The following MTFMT variants were observed in gnomAD, a reference collection of about 807,000 sequenced individuals.
MTFMT encodes methionyl-tRNA formyltransferase, mitochondrial.
MTFMT carries 47 observed loss-of-function variants against 51.8 expected under a neutral mutation model. That is an observed-to-expected ratio of 0.91 (90% CI 0.72 to 1.16). The LOEUF is 1.16. MTFMT is among the 50% of genes most tolerant of loss of function. The probability of loss-of-function intolerance (pLI) is 0.00; values close to 1 mark genes in which losing one functional copy is unlikely to be tolerated. For synonymous variants in MTFMT, 196 were observed against 176.7 expected, an observed-to-expected ratio of 1.11 and a Z score of -0.87; for missense variants, 512 against 482.3, an observed-to-expected ratio of 1.06 and a Z score of -0.58.
At chr15:65,009,900 C>A (rs1399322392) in intron 6 of MTFMT, among the ~76,000 whole-genome samples, 1 of 152,172 alleles carries the variant, frequency 6.6e-6, no homozygotes, top group Non-Finnish European at 1.5e-5. Context: ...GCGATTCACT[C>A]TTCTTGGCCT....
chr15:65,023,562 T>C (rs2140487613), intron 3 of MTFMT, 110 bp downstream of exon 3: 1 of 993,308 alleles, frequency 1.0e-6, no homozygotes. Flanking sequence ...AGAAGCACTC[T>C]GGAGTCACAG....
Position 65,026,967 on chromosome 15 carries a change from G to A in MTFMT, c.283C>T (p.Pro95Ser), listed in dbSNP as rs202192281. ...GACTGCACAGCATATTGCTTCACTG[G>A]CAGTCCTTTTGGTGATGGGGAAGGC... ...TMPSPSPKGL[P>S]VKQYAVQSQL... Residue 95 changes from proline to serine, a missense_variant, in exon 2 of 9, where the codon CCA (proline) becomes TCA (serine). Transcript: ENST00000220058. The A allele has an allele frequency of 6.2e-7, 1 of 1,613,974 alleles. No homozygotes were observed. Among genetic ancestry groups the A allele is most frequent in the African/African-American group, 1.3e-5 (1 of 75,032 alleles).
At position 65,027,027 on chromosome 15, in the gene MTFMT, CTTCT is replaced by C. The variant is rs777725264; in HGVS notation, c.219_222del (p.Glu74LysfsTer3). Reference sequence around the variant, plus strand: ...ACCTCCAGTTTGTCGATTAACTCTTCTTCTTTGTTTTCCCTAAATTAGATAGGAA... The same window carrying C: ...ACCTCCAGTTTGTCGATTAACTCTTCTTGTTTTCCCTAAATTAGATAGGAA... On this transcript the variant is annotated frameshift_variant, in exon 2 of 9. Transcript: ENST00000220058. LOFTEE classifies it high-confidence loss of function. The C allele has an allele frequency of 5.0e-6, 8 of 1,613,336 alleles. No individual in the cohort carries two copies. Among genetic ancestry groups the C allele is most frequent in the South Asian group, 1.1e-5 (1 of 91,004 alleles).
At chr15:65,017,311 A>C (rs2086331939) in intron 5 of MTFMT, among the ~76,000 whole-genome samples, 1 of 152,188 alleles carries the variant, frequency 6.6e-6, no homozygotes, top group Non-Finnish European at 1.5e-5. Context: ...TAAATATATG[A>C]AAAGATCTTC....
At chr15:65,022,873 A>AT (rs71447832) in intron 3 of MTFMT, among the ~76,000 whole-genome samples, 52,443 of 151,468 alleles carry the variant, frequency 0.35, 10,521 homozygotes, top group South Asian at 0.5. Flanking sequence ...CACCTGGCTA[A>AT]TTTTTTTATT....
At chr15:65,027,577 T>C (rs894060094) in intron 1 of MTFMT, among the ~76,000 whole-genome samples, 2 of 152,240 alleles carry the variant, frequency 1.3e-5, no homozygotes, top group Non-Finnish European at 2.9e-5. Context: ...GTTTGAACAG[T>C]ATCATTCTAG....
intron 5 of MTFMT, among the ~76,000 whole-genome samples, 164 bp from the exon 6 acceptor site, chr15:65,016,691 T>A (rs1215034927): frequency 6.6e-6 from 1 of 151,906 alleles, no homozygotes; most frequent in Non-Finnish European, 1.5e-5. Flanking sequence ...AAATAAATAA[T>A]CATATAAATA....
At chr15:65,016,211 T>G in intron 6 of MTFMT, 1 of 312,770 alleles carries the variant, frequency 3.2e-6, no homozygotes, top group Non-Finnish European at 5.9e-6. Context: ...GCAATATACA[T>G]ATATTTAAAA....
chr15:65,012,817 G>A (rs897071204), intron 6 of MTFMT, among the ~76,000 whole-genome samples: 3 of 152,116 alleles, frequency 2.0e-5, no homozygotes, highest in African/African-American at 2.4e-5. Context: ...AATTTTGTTA[G>A]TTTTGGCTAT....
intron 6 of MTFMT, among the ~76,000 whole-genome samples, chr15:65,007,371 A>G (rs2086226948): frequency 6.6e-6 from 1 of 152,238 alleles, no homozygotes; most frequent in African/African-American, 2.4e-5. Context: ...ACCATAAAGC[A>G]TTGATGTTTC....
At chr15:65,024,029 G>A (rs182760351) in intron 2 of MTFMT, among the ~76,000 whole-genome samples, 5 of 152,302 alleles carry the variant, frequency 3.3e-5, no homozygotes, top group African/African-American at 9.6e-5. Context: ...ACTATTTGCT[G>A]TTCTAAAGAT....
intron 1 of MTFMT, among the ~76,000 whole-genome samples, chr15:65,029,009 C>T (rs1034066247): frequency 2.0e-5 from 3 of 152,102 alleles, no homozygotes; most frequent in Non-Finnish European, 2.9e-5. Context: ...TGGTTTTAGT[C>T]CGAACCACCT....
intron 6 of MTFMT, among the ~76,000 whole-genome samples, chr15:65,006,463 G>C (rs188091658): frequency 5.4e-5 from 8 of 148,918 alleles, no homozygotes; most frequent in African/African-American, 2.0e-4. Context: ...TGCAAGCTCC[G>C]CCTCCCGGGT....
Position 65,027,047 on chromosome 15 carries a change from T to G in MTFMT, c.210-7A>C. ...CTCTTCTTCTTTGTTTTCCCTAAATTAGATAGGAAGAAAAATGTGACAGTG... is the reference window on the plus strand; with the variant it reads ...CTCTTCTTCTTTGTTTTCCCTAAATGAGATAGGAAGAAAAATGTGACAGTG... On this transcript the variant is annotated splice_polypyrimidine_tract_variant and splice_region_variant and intron_variant, in intron 1 of 8. Coordinates refer to ENST00000220058, the MANE Select transcript of MTFMT (RefSeq NM_139242.4). 3.7e-6 allele frequency: 6 copies of G among 1,606,682 alleles called. No individual in the cohort carries two copies. The highest frequency in any genetic ancestry group is 4.3e-6 in the Non-Finnish European group (5 of 1,175,054).
chr15:65,006,501 C>A (rs916764748), intron 6 of MTFMT, among the ~76,000 whole-genome samples: 1 of 151,932 alleles, frequency 6.6e-6, no homozygotes, highest in African/African-American at 2.4e-5. Flanking sequence ...TTCAGCCTCC[C>A]GAGTAGCTGG....
At position 65,025,152 on chromosome 15, in the gene MTFMT, T is replaced by C. The variant is rs188085326; in HGVS notation, c.420-1358A>G. On this transcript the variant is annotated intron_variant, in intron 2 of 8. Transcript: ENST00000220058. ...GCTCATGCCTGTAATCCCAAAACTT[T>C]GGGAGGCCAAGGCAGGAAGATCACA... Among the ~76,000 whole-genome samples the C allele has an allele frequency of 2.5e-4, 38 of 149,906 alleles. No homozygotes were observed. In the East Asian group the frequency reaches 6.0e-3, roughly 23 times the overall value.
At chr15:65,028,238 G>A (rs1177787936) in intron 1 of MTFMT, among the ~76,000 whole-genome samples, 2 of 152,104 alleles carry the variant, frequency 1.3e-5, no homozygotes, top group African/African-American at 4.8e-5. Context: ...TGGGCAACAT[G>A]GTGAAAACCC....
intron 1 of MTFMT, 132 bp from the exon 2 acceptor site, chr15:65,027,172 TGA>T (rs2086432756): frequency 6.0e-6 from 4 of 667,684 alleles, no homozygotes; most frequent in Non-Finnish European, 1.0e-5. Context: ...AAAACTAGTG[TGA>T]GAGACTGAGT....
Position 65,003,096 on chromosome 15 carries a change from T to C in MTFMT, c.1136A>G (p.Lys379Arg), listed in dbSNP as rs755997866. Reference sequence around the variant, plus strand: ...GCATTGTTGCATAGCAACAGTTTTTTTCTGCTTCTTCTTTGTTGGAAGTCT... The same window carrying C: ...GCATTGTTGCATAGCAACAGTTTTTCTCTGCTTCTTCTTTGTTGGAAGTCT... ...TLRLPTKKKQ[K>R]KTVAMQQCIE is the part of the protein sequence containing the mutation. Residue 379 changes from lysine (K) to arginine (R), a missense_variant, in exon 9 of 9, where the codon AAA (lysine) becomes AGA (arginine). Transcript: ENST00000220058. 2 of 1,609,418 alleles carry C rather than the reference T, an allele frequency of 1.2e-6. No individual in the cohort carries two copies. Among genetic ancestry groups the C allele is most frequent in the Non-Finnish European group, 1.7e-6 (2 of 1,177,460 alleles).
Sources: gnomAD v4.1 joint callset for allele counts (sites outside exome capture counted in the v4.1 genomes callset) on GRCh38, gnomAD v4.1.1 for gene constraint, MANE v1.5 for transcripts, NCBI Gene and HGNC (gene_info 2026-07-23, HGNC 2026-07-21) for gene names.